Variants in SPHKAP observed in about 807,000 individuals in gnomAD.
SPHKAP encodes the protein A-kinase anchor protein SPHKAP.
Under a neutral mutation model 137.5 loss-of-function variants are expected in SPHKAP, and 67 were observed. The observed-to-expected ratio is 0.49, with a 90% CI of 0.40 to 0.60. The LOEUF (loss-of-function observed/expected upper bound fraction) is 0.60, where lower values mean the gene tolerates loss of function less well. SPHKAP is among the 20% of genes least tolerant of loss of function. The pLI is 0.00. For synonymous variants in SPHKAP, 813 were observed against 785.3 expected (o/e 1.04, Z -0.59); for missense variants, 2,097 against 2,069.3 (o/e 1.01, Z -0.26).
At chr2:228,097,799 G>T (rs1294847764) in intron 3 of SPHKAP, among the ~76,000 whole-genome samples, 1 of 152,122 alleles carries the variant, frequency 6.6e-6, no homozygotes, top group East Asian at 1.9e-4. Flanking sequence ...ATCTGTATCT[G>T]CAAAGAACAT....
At chr2:228,006,379 T>C (rs1694132949) in intron 7 of SPHKAP, among the ~76,000 whole-genome samples, 1 of 152,214 alleles carries the variant, frequency 6.6e-6, no homozygotes, top group Admixed American at 6.5e-5. Flanking sequence ...GTGCCACGGT[T>C]TTCAGCTTCA....
chr2:228,065,538 A>T (rs969142910), intron 3 of SPHKAP, among the ~76,000 whole-genome samples: 2 of 152,222 alleles, frequency 1.3e-5, no homozygotes, highest in Non-Finnish European at 2.9e-5. Context: ...AAAAGGGGGC[A>T]CTGAGAGTAA....
intron 1 of SPHKAP, among the ~76,000 whole-genome samples, chr2:228,141,699 A>T (rs1430308451): frequency 6.6e-6 from 1 of 152,212 alleles, no homozygotes; most frequent in East Asian, 1.9e-4. Context: ...CAATACAAAG[A>T]TGCAGCCTGT....
At chr2:228,180,449 A>G (rs759504058) in intron 1 of SPHKAP, among the ~76,000 whole-genome samples, 6 of 146,848 alleles carry the variant, frequency 4.1e-5, no homozygotes, top group Non-Finnish European at 7.5e-5. Context: ...TGCCCTGGCC[A>G]GTGGATATTG....
chr2:228,034,344 TCTGA>T lies in SPHKAP; in HGVS notation c.247-6805_247-6802del, dbSNP rs563797398. Among the ~76,000 whole-genome samples, 54 of 152,276 alleles carry T rather than the reference TCTGA, an allele frequency of 3.5e-4. 1 individual carries two copies. The South Asian group carries it at 0.011, about 30-fold the overall frequency. On this transcript the variant is annotated intron_variant, in intron 3 of 11. Coordinates refer to ENST00000392056, the MANE Select transcript of SPHKAP (RefSeq NM_001142644.2). The stretch of plus-strand genomic sequence containing the variant: ...GACTAAACCAGGAAGAAGTTGAATC[TCTGA>T]GTAGAGCAATAACAGGCTCTGAAAT...
At chr2:228,034,292 A>C (rs1453960482) in intron 3 of SPHKAP, among the ~76,000 whole-genome samples, 3 of 152,224 alleles carry the variant, frequency 2.0e-5, no homozygotes, top group Admixed American at 1.3e-4. Flanking sequence ...GAAATGGATA[A>C]ATTCCTCGAC....
At chr2:228,098,814 G>C (rs200452959) in intron 3 of SPHKAP, among the ~76,000 whole-genome samples, 1 of 149,918 alleles carries the variant, frequency 6.7e-6, no homozygotes, top group Admixed American at 6.6e-5. Flanking sequence ...TTTTAATGGG[G>C]TTTTTTTTGC....
At chr2:228,147,341 G>A (rs972167073) in intron 1 of SPHKAP, among the ~76,000 whole-genome samples, 9 of 152,260 alleles carry the variant, frequency 5.9e-5, no homozygotes, top group South Asian at 2.1e-4. Flanking sequence ...CATATAAACC[G>A]TGAGTGGAAA....
intron 3 of SPHKAP, among the ~76,000 whole-genome samples, chr2:228,096,059 A>G (rs1000071075): frequency 6.6e-6 from 1 of 152,188 alleles, no homozygotes; most frequent in Non-Finnish European, 1.5e-5. Flanking sequence ...TTGCATGAAC[A>G]TGGGTGGATT....
intron 2 of SPHKAP, among the ~76,000 whole-genome samples, chr2:228,117,978 G>T (rs1698768747): frequency 6.6e-6 from 1 of 151,640 alleles, no homozygotes; most frequent in Non-Finnish European, 1.5e-5. Flanking sequence ...CAATATTTTA[G>T]CTTTATTCTA....
At chr2:228,076,263 A>C (rs1419511385) in intron 3 of SPHKAP, among the ~76,000 whole-genome samples, 1 of 152,180 alleles carries the variant, frequency 6.6e-6, no homozygotes, top group Non-Finnish European at 1.5e-5. Flanking sequence ...ATGAATACGG[A>C]CTAATACAGT....
At position 228,017,371 on chromosome 2, in the gene SPHKAP, G is replaced by A; in HGVS notation, c.3483C>T (p.Asn1161=). The change falls in exon 7 of 12, where the codon AAC becomes AAT. Residue 1161 remains asparagine (N), a synonymous_variant. Transcript: ENST00000392056. The part of the protein sequence containing the change: ...YAGKNASSIL[N]SAMQQACRKS... Reference sequence around the variant, plus strand: ...TCCGGCACGCCTGTTGCATGGCTGAGTTCAGAATGCTGCTGGCGTTCTTGC... The same window carrying A: ...TCCGGCACGCCTGTTGCATGGCTGAATTCAGAATGCTGCTGGCGTTCTTGC... 2 of 1,613,972 alleles carry A rather than the reference G, an allele frequency of 1.2e-6. No individual in the cohort carries two copies. Among genetic ancestry groups the A allele is most frequent in the South Asian group, 1.1e-5 (1 of 91,034 alleles).
At chr2:228,055,666 T>A (rs2106279299) in intron 3 of SPHKAP, among the ~76,000 whole-genome samples, 1 of 152,326 alleles carries the variant, frequency 6.6e-6, no homozygotes, top group Admixed American at 6.5e-5. Context: ...GACCCCTTTC[T>A]TAGAGAGTGC....
chr2:228,091,777 G>A (rs1697743150), intron 3 of SPHKAP, among the ~76,000 whole-genome samples: 1 of 152,062 alleles, frequency 6.6e-6, no homozygotes, highest in Non-Finnish European at 1.5e-5. Flanking sequence ...AATAGATGTT[G>A]GCATAAATGT....
At chr2:228,145,129 A>G (rs1699738084) in intron 1 of SPHKAP, among the ~76,000 whole-genome samples, 1 of 152,212 alleles carries the variant, frequency 6.6e-6, no homozygotes, top group Non-Finnish European at 1.5e-5. Flanking sequence ...AATGAGACTT[A>G]AACCAAGAGC....
At chr2:228,005,802 C>T (rs1177328781) in intron 7 of SPHKAP, among the ~76,000 whole-genome samples, 4 of 152,172 alleles carry the variant, frequency 2.6e-5, no homozygotes, top group Non-Finnish European at 5.9e-5. Context: ...TTCTCCTTCA[C>T]TTATGAAGCT....
At chr2:228,113,138 A>G (rs1015652269) in intron 2 of SPHKAP, among the ~76,000 whole-genome samples, 1 of 152,188 alleles carries the variant, frequency 6.6e-6, no homozygotes, top group African/African-American at 2.4e-5. Flanking sequence ...TAATTTTATC[A>G]TCGTTAAAAA....
At chr2:228,033,622 G>A (rs1220413660) in intron 3 of SPHKAP, among the ~76,000 whole-genome samples, 3 of 152,120 alleles carry the variant, frequency 2.0e-5, no homozygotes, top group African/African-American at 7.2e-5. Context: ...TGACCATATA[G>A]TTGGAAGTAA....
At chr2:228,057,326 A>G (rs1696482043) in intron 3 of SPHKAP, among the ~76,000 whole-genome samples, 2 of 151,944 alleles carry the variant, frequency 1.3e-5, no homozygotes, top group South Asian at 4.1e-4. Flanking sequence ...ATAGTAGGCA[A>G]TAAAATATTC....
Sources: allele counts gnomAD v4.1 joint callset (sites outside exome capture counted in the v4.1 genomes callset), GRCh38; gene constraint gnomAD v4.1.1; transcripts MANE v1.5; gene names NCBI Gene and HGNC (gene_info 2026-07-23, HGNC 2026-07-21).